CFAP221: variants seen among roughly 807,000 people sequenced by gnomAD.
CFAP221 encodes the protein cilia- and flagella-associated protein 221.
In CFAP221, 97 loss-of-function variants were observed where a neutral mutation model predicts 113.1. The ratio of observed to expected loss-of-function variants is 0.86; its 90% CI spans 0.73 to 1.02. CFAP221 has a LOEUF of 1.02. CFAP221 is among the 50% of genes least tolerant of loss of function. The pLI, the probability that CFAP221 is intolerant of heterozygous loss-of-function variation, is 0.00. For missense variants in CFAP221, 1,025 were observed against 1,013.4 expected (o/e 1.01, Z -0.16); for synonymous variants, 331 against 354.4 (o/e 0.93, Z 0.74).
At chr2:119,611,769 C>G in intron 13 of CFAP221, 27 bp downstream of exon 13, 1 of 1,534,988 alleles carries the variant, frequency 6.5e-7, no homozygotes, top group Non-Finnish European at 9.0e-7. Context: ...TATTTAGAAT[C>G]TGATTATTGG....
chr2:119,594,776 A>G (rs142313240), intron 7 of CFAP221, among the ~76,000 whole-genome samples: 9 of 152,344 alleles, frequency 5.9e-5, no homozygotes, highest in Admixed American at 3.3e-4. Context: ...CACTGGATGC[A>G]TAAACTCATT....
intron 3 of CFAP221, 23 bp from the exon 4 acceptor site, chr2:119,559,666 A>G (rs750571825): frequency 1.7e-5 from 25 of 1,489,670 alleles, no homozygotes; most frequent in Admixed American, 2.0e-5. Context: ...TATTTCCTCT[A>G]AATACTTCTT....
intron 8 of CFAP221, among the ~76,000 whole-genome samples, chr2:119,603,664 T>C (rs1365970695): frequency 6.6e-6 from 1 of 152,246 alleles, no homozygotes; most frequent in Admixed American, 6.5e-5. Flanking sequence ...CACACATCGT[T>C]GCTTAAAGAA....
chr2:119,596,483 TA>T (rs1168850342), intron 7 of CFAP221, among the ~76,000 whole-genome samples: 1 of 152,216 alleles, frequency 6.6e-6, no homozygotes, highest in Non-Finnish European at 1.5e-5. Flanking sequence ...CAGCATCCTC[TA>T]CTCAGACTCC....
chr2:119,598,710 T>C (rs1449856425), intron 7 of CFAP221, among the ~76,000 whole-genome samples: 1 of 152,222 alleles, frequency 6.6e-6, no homozygotes, highest in African/African-American at 2.4e-5. Context: ...TTACAGCTGC[T>C]AACATTTGAC....
At chr2:119,658,290 TTTGTTCTCAAA>T (rs1688502746), downstream of CFAP221, among the ~76,000 whole-genome samples, 1 of 152,212 alleles carries the variant, frequency 6.6e-6, no homozygotes, top group South Asian at 2.1e-4. Context: ...CGTTGTTTAT[TTTGTTCTCAAA>T]TTGTTCCAGC....
intron 7 of CFAP221, chr2:119,589,670 A>G (rs1266578969): frequency 1.3e-5 from 2 of 152,228 alleles, no homozygotes; most frequent in Non-Finnish European, 2.9e-5. Context: ...AAATGAAAAA[A>G]CAATTTGAAT....
intron 5 of CFAP221, among the ~76,000 whole-genome samples, chr2:119,560,976 AT>A (rs898989741): frequency 4.8e-4 from 73 of 151,972 alleles, no homozygotes; most frequent in African/African-American, 1.7e-3. Context: ...GACCATTATT[AT>A]TTTTTTGGAG....
At chr2:119,620,538 T>C (rs1310586815) in intron 14 of CFAP221, among the ~76,000 whole-genome samples, 1 of 152,122 alleles carries the variant, frequency 6.6e-6, no homozygotes, top group Non-Finnish European at 1.5e-5. Context: ...GACAAGCAAA[T>C]GCTGAGAGAT....
chr2:119,565,958 G>A (rs1183241143), intron 6 of CFAP221, among the ~76,000 whole-genome samples: 1 of 152,200 alleles, frequency 6.6e-6, no homozygotes, highest in Non-Finnish European at 1.5e-5. Flanking sequence ...AACCTTTATT[G>A]AATGCCTTCC....
At chr2:119,627,980 C>T (rs1231457765) in intron 16 of CFAP221, among the ~76,000 whole-genome samples, 194 bp downstream of exon 16, 1 of 152,218 alleles carries the variant, frequency 6.6e-6, no homozygotes, top group African/African-American at 2.4e-5. Context: ...TACACCTGCA[C>T]AGAGCTCCCT....
intron 6 of CFAP221, among the ~76,000 whole-genome samples, chr2:119,563,383 G>A (rs1375403056): frequency 6.6e-6 from 1 of 152,140 alleles, no homozygotes; most frequent in East Asian, 1.9e-4. Flanking sequence ...TCTGTGGTTG[G>A]TTAAATCCAT....
chr2:119,604,923 ATTTG>A lies in CFAP221; in HGVS notation c.961_964del (p.Phe321LeufsTer6). 6.2e-7 allele frequency: 1 copy of A among 1,614,180 alleles called. No homozygotes were observed. The highest frequency in any genetic ancestry group is 8.5e-7 in the Non-Finnish European group (1 of 1,180,026). ...GATTTCCAGTAGATTTATCGAATCCATTTGCTGTGGCAACTGTTTTAAACCAAGA... is the reference window on the plus strand; with the variant it reads ...GATTTCCAGTAGATTTATCGAATCCACTGTGGCAACTGTTTTAAACCAAGA... On this transcript the variant is annotated frameshift_variant, in exon 10 of 24. Coordinates refer to ENST00000413369, the MANE Select transcript of CFAP221 (RefSeq NM_001271049.2). LOFTEE classifies it high-confidence loss of function.
chr2:119,546,461 G>A lies in CFAP221; in HGVS notation c.139+191G>A, dbSNP rs144665394. On this transcript the variant is annotated intron_variant, in intron 2 of 23. Coordinates refer to ENST00000413369, the MANE Select transcript of CFAP221 (RefSeq NM_001271049.2). ...TAACTGATAGGTTTTTGTGGGGTAT[G>A]TAAATTAATCAAGTTCTGTTGCTTC... Among the ~76,000 whole-genome samples, 1,062 of 152,314 alleles carry A rather than the reference G, an allele frequency of 7.0e-3. 10 individuals are homozygous for A. Among genetic ancestry groups the A allele is most frequent in the African/African-American group, 0.023 (976 of 41,554 alleles).
At position 119,608,574 on chromosome 2, in the gene CFAP221, A is replaced by G. The variant is rs1336521164; in HGVS notation, c.1206A>G (p.Ala402=). The change falls in exon 12 of 24, where the codon GCA becomes GCG. Residue 402 remains alanine (A), a synonymous_variant. Transcript: ENST00000413369. ...KKELTEEWQK[A]CAKYKLDRGD... is the part of the protein sequence containing the mutation. Reference sequence around the variant, plus strand: ...AGCTTACTGAAGAGTGGCAAAAAGCATGTGCCAAATATAAGGTCAGAGTTA... The same window carrying G: ...AGCTTACTGAAGAGTGGCAAAAAGCGTGTGCCAAATATAAGGTCAGAGTTA... 2.5e-6 allele frequency: 4 copies of G among 1,612,430 alleles called. No individual in the cohort carries two copies. Among genetic ancestry groups the G allele is most frequent in the Non-Finnish European group, 3.4e-6 (4 of 1,178,694 alleles).
chr2:119,629,350 T>C lies in CFAP221; in HGVS notation c.1651-525T>C, dbSNP rs138565655. On this transcript the variant is annotated intron_variant, in intron 16 of 23. Coordinates refer to ENST00000413369, the MANE Select transcript of CFAP221 (RefSeq NM_001271049.2). ...GGACAGGATTGGGTGGAGAGAGAAG[T>C]AGGACTGGGGTCCACCTCAACAAAG... Among the ~76,000 whole-genome samples the C allele has an allele frequency of 7.4e-3, 1,133 of 152,216 alleles. 10 individuals carry two copies. Among genetic ancestry groups the C allele is most frequent in the Non-Finnish European group, 0.012 (782 of 67,998 alleles).
chr2:119,546,757 T>C (rs1277013970), intron 2 of CFAP221, among the ~76,000 whole-genome samples: 1 of 152,206 alleles, frequency 6.6e-6, no homozygotes. Flanking sequence ...CATTTCCAGC[T>C]CTGGCTACAT....
intron 7 of CFAP221, among the ~76,000 whole-genome samples, chr2:119,592,112 C>T (rs933641672): frequency 6.6e-6 from 1 of 151,986 alleles, no homozygotes; most frequent in African/African-American, 2.4e-5. Flanking sequence ...CCTGCAGACA[C>T]CTCTCTGTGC....
chr2:119,623,095 A>G (rs1686055359), intron 14 of CFAP221, among the ~76,000 whole-genome samples: 1 of 152,224 alleles, frequency 6.6e-6, no homozygotes, highest in Admixed American at 6.5e-5. Flanking sequence ...TGCAGATGAC[A>G]TGATTGTATA....
Sources: allele counts gnomAD v4.1 joint callset (sites outside exome capture counted in the v4.1 genomes callset), GRCh38; gene constraint gnomAD v4.1.1; transcripts MANE v1.5; gene names NCBI Gene and HGNC (gene_info 2026-07-23, HGNC 2026-07-21).